The following ELN variants were observed in gnomAD, a reference collection of about 807,000 sequenced individuals.
ELN encodes tropoelastin.
ELN carries 65 observed loss-of-function variants against 105.8 expected under a neutral mutation model. The ratio of observed to expected loss-of-function variants is 0.61; its 90% CI spans 0.50 to 0.75. The LOEUF is 0.75. ELN is among the 30% of genes least tolerant of loss of function. ELN has a pLI of 0.00. For synonymous variants in ELN, 368 were observed against 389.2 expected, an observed-to-expected ratio of 0.95 and a Z score of 0.64; for missense variants, 882 against 969.4, an observed-to-expected ratio of 0.91 and a Z score of 1.20.
In ELN at chr7:74,063,281, G is replaced by A. The variant is rs1400838365; in HGVS notation, c.1859-29G>A. 2.8e-5 allele frequency: 44 copies of A among 1,573,882 alleles called. No individual in the cohort carries two copies. The highest frequency in any genetic ancestry group is 3.8e-5 in the Admixed American group (2 of 52,312). ...GGAGGGAATCTAACCAGTACAGAGT[G>A]CCTCCCTGAACTCGGTCTGTGTTCC... On this transcript the variant is annotated intron_variant, in intron 27 of 32. Coordinates refer to ENST00000252034, the MANE Select transcript of ELN (RefSeq NM_000501.4). This position sits in a 1 kb window ranked among gnomAD's most constrained non-coding sequence, Gnocchi z 4.1.
intron 29 of ELN, 126 bp from the exon 30 acceptor site, chr7:74,065,568 C>T (rs1435796423): frequency 4.2e-5 from 47 of 1,124,810 alleles, no homozygotes; most frequent in Non-Finnish European, 5.3e-5. Flanking sequence ...GAGCCGGGAT[C>T]GCGCCACTGC....
chr7:74,034,492 G>A (rs1382022564), intron 1 of ELN, among the ~76,000 whole-genome samples: 3 of 149,056 alleles, frequency 2.0e-5, no homozygotes, highest in Non-Finnish European at 4.4e-5. Context: ...CAGGAGGATC[G>A]CTTCCAGGAG....
intron 21 of ELN, chr7:74,057,357 G>T (rs1795477871): frequency 2.7e-6 from 4 of 1,480,278 alleles, no homozygotes; most frequent in Non-Finnish European, 3.6e-6. Context: ...GGAGGGGCAA[G>T]GCTGAAAGTT....
At position 74,057,590 on chromosome 7, in the gene ELN, G is replaced by C. The variant is rs1795566297; in HGVS notation, c.1358-50G>C. 4 of 1,609,782 alleles carry C rather than the reference G, an allele frequency of 2.5e-6. No individual in the cohort carries two copies. In the Admixed American group the frequency reaches 6.7e-5, roughly 27 times the overall value. On this transcript the variant is annotated intron_variant, in intron 21 of 32. Coordinates refer to ENST00000252034, the MANE Select transcript of ELN (RefSeq NM_000501.4). ...AGACTGAGCCTAGAGATGGGAAGCAGGGAGGGGTGTGAGAGATTACTCTCT... is the reference window on the plus strand; with the variant it reads ...AGACTGAGCCTAGAGATGGGAAGCACGGAGGGGTGTGAGAGATTACTCTCT...
intron 17 of ELN, chr7:74,052,248 T>C (rs1794215074): frequency 1.9e-6 from 1 of 535,190 alleles, no homozygotes; most frequent in Non-Finnish European, 3.4e-6. Flanking sequence ...CCCACAGGTG[T>C]CTGCTGCATC....
chr7:74,047,900 G>A (rs904654636), intron 13 of ELN, among the ~76,000 whole-genome samples, 184 bp downstream of exon 13: 2 of 152,174 alleles, frequency 1.3e-5, no homozygotes, highest in Admixed American at 6.5e-5. Flanking sequence ...CTCCATCCCT[G>A]CCCTCCCACC....
chr7:74,038,876 C>T (rs534205258), intron 4 of ELN, among the ~76,000 whole-genome samples: 7 of 152,306 alleles, frequency 4.6e-5, no homozygotes, highest in East Asian at 1.9e-4. Context: ...GGCGGGAGAA[C>T]GGGGTGCCTG....
At chr7:74,029,565 G>A (rs578110373) in intron 1 of ELN, among the ~76,000 whole-genome samples, 6 of 152,276 alleles carry the variant, frequency 3.9e-5, no homozygotes, top group South Asian at 4.1e-4. Flanking sequence ...GGAGTCAAGG[G>A]CCTGGGCAGG....
chr7:74,035,072 G>C (rs901063738), intron 1 of ELN, among the ~76,000 whole-genome samples: 1 of 152,240 alleles, frequency 6.6e-6, no homozygotes, highest in Non-Finnish European at 1.5e-5. Flanking sequence ...CTGCACTCCA[G>C]CCTGGGTGAA....
In ELN at chr7:74,043,167, G is replaced by A. The variant is rs782063305; in HGVS notation, c.426G>A (p.Pro142=). 1.3e-5 allele frequency: 20 copies of A among 1,591,684 alleles called. No individual in the cohort carries two copies. The highest frequency in any genetic ancestry group is 6.8e-5 in the South Asian group (6 of 88,622). Reference sequence around the variant, plus strand: ...CCGGAGTGAAGCCTGGGAAAGTGCCGGGTCAGTGCGGAATCCCTGGGGCTG... The same window carrying A: ...CCGGAGTGAAGCCTGGGAAAGTGCCAGGTCAGTGCGGAATCCCTGGGGCTG... The part of the protein sequence containing the change: ...PGAGVKPGKV[P]GVGLPGVYPG... Residue 142 remains proline, a splice_region_variant and synonymous_variant, in exon 8 of 33, where the codon CCG becomes CCA. Coordinates refer to ENST00000252034, the MANE Select transcript of ELN (RefSeq NM_000501.4).
chr7:74,059,746 G>A (rs1554682658), intron 22 of ELN, 140 bp from the exon 23 acceptor site: 2 of 765,574 alleles, frequency 2.6e-6, no homozygotes, highest in African/African-American at 1.7e-5. Flanking sequence ...GGAGGAAGCT[G>A]AGGCCCAGCA....
Position 74,046,641 on chromosome 7 carries a change from C to T in ELN, c.572-55C>T, listed in dbSNP as rs184163485. 1,766 of 1,590,850 alleles carry T rather than the reference C, an allele frequency of 1.1e-3. 6 individuals are homozygous for T. The highest frequency in any genetic ancestry group is 5.5e-3 in the South Asian group (494 of 90,390). ...TCTGAGCAGAAAGTGGAGTGGGTGG[C>T]GGAGGGTTTGGAAGGGGGTGCTGGG... On this transcript the variant is annotated intron_variant, in intron 11 of 32. Transcript: ENST00000252034.
chr7:74,052,997 T>C, intron 17 of ELN, 166 bp from the exon 18 acceptor site: 1 of 943,262 alleles, frequency 1.1e-6, no homozygotes, highest in East Asian at 2.6e-5. Flanking sequence ...GGGACCCTCT[T>C]AGTCTCTCCA....
In ELN at chr7:74,065,884, G is replaced by T. The variant is rs1289805447; in HGVS notation, c.2033-60G>T. ...ATTCCTTAACCCAGAACCCAGCAGG[G>T]ATATCAGGGCCTCTTCCCGATGGGG... is the stretch of plus-strand genomic sequence containing the variant. On this transcript the variant is annotated intron_variant, in intron 30 of 32. Transcript: ENST00000252034. 8 of 1,613,500 alleles carry T rather than the reference G, an allele frequency of 5.0e-6. No individual in the cohort carries two copies. The South Asian group carries it at 6.6e-5, about 13-fold the overall frequency.
At chr7:74,048,366 T>A in intron 14 of ELN, 137 bp from the exon 15 acceptor site, 1 of 1,487,682 alleles carries the variant, frequency 6.7e-7, no homozygotes, top group Non-Finnish European at 9.4e-7. Flanking sequence ...GGCAGCTCCA[T>A]CAGCCTCTGC....
intron 21 of ELN, 145 bp downstream of exon 21, chr7:74,056,858 C>T (rs1196174242): frequency 9.8e-7 from 1 of 1,022,774 alleles, no homozygotes; most frequent in East Asian, 2.5e-5. Context: ...CTTCCAAAGC[C>T]ACACTCCACT....
At chr7:74,057,895 C>T (rs2132152974) in intron 22 of ELN, among the ~76,000 whole-genome samples, 199 bp downstream of exon 22, 1 of 152,234 alleles carries the variant, frequency 6.6e-6, no homozygotes, top group South Asian at 2.1e-4. Context: ...ATTAGGGGAG[C>T]AGGGTGAGCA....
At position 74,046,181 on chromosome 7, in the gene ELN, A is replaced by C; in HGVS notation, c.542-7A>C. 1 of 1,614,200 alleles carries C rather than the reference A, an allele frequency of 6.2e-7. No homozygotes were observed. The highest frequency in any genetic ancestry group is 8.5e-7 in the Non-Finnish European group (1 of 1,180,020). Reference sequence around the variant, plus strand: ...AGGGCTGTAGTGACAGCTTTTTATCATTACAGGTGTAGGTGGAGCTTTTGC... The same window carrying C: ...AGGGCTGTAGTGACAGCTTTTTATCCTTACAGGTGTAGGTGGAGCTTTTGC... On this transcript the variant is annotated splice_region_variant and splice_polypyrimidine_tract_variant and intron_variant, in intron 10 of 32. Coordinates refer to ENST00000252034, the MANE Select transcript of ELN (RefSeq NM_000501.4).
rs1789988451 is a variant in ELN, at chr7:74,036,540, T to C, written c.134-15T>C. 5.0e-6 allele frequency: 8 copies of C among 1,613,856 alleles called. No homozygotes were observed. Among genetic ancestry groups the C allele is most frequent in the Non-Finnish European group, 6.8e-6 (8 of 1,179,990 alleles). Reference sequence around the variant, plus strand: ...AGTACCGATGATCTCTCTTTCTCTTTCTCTCCCCCCACAGGGGCTGGTCTC... The same window carrying C: ...AGTACCGATGATCTCTCTTTCTCTTCCTCTCCCCCCACAGGGGCTGGTCTC... On this transcript the variant is annotated splice_polypyrimidine_tract_variant and intron_variant, in intron 2 of 32. Transcript: ENST00000252034.
Sources: allele counts gnomAD v4.1 joint callset (sites outside exome capture counted in the v4.1 genomes callset), GRCh38; gene constraint gnomAD v4.1.1; non-coding constraint Gnocchi (gnomAD v3.1); transcripts MANE v1.5; gene names NCBI Gene and HGNC (gene_info 2026-07-23, HGNC 2026-07-21).